The following ASXL2 variants were observed in gnomAD, a reference collection of about 807,000 sequenced individuals.
The protein encoded by ASXL2 is ASXL transcriptional regulator 2.
In ASXL2, 23 loss-of-function variants were observed where a neutral mutation model predicts 122.0. The observed-to-expected ratio is 0.19, with a 90% CI of 0.14 to 0.27. The LOEUF is 0.27. Among genes scored for constraint, ASXL2 ranks in the 10% least tolerant of loss-of-function variants. The pLI is 1.00. For missense variants in ASXL2, 1,518 were observed against 1,713.8 expected (o/e 0.89, Z 2.02); for synonymous variants, 650 against 637.0 (o/e 1.02, Z -0.31).
chr2:25,828,873 G>A (rs186522164), intron 3 of ASXL2, among the ~76,000 whole-genome samples: 6 of 149,346 alleles, frequency 4.0e-5, no homozygotes, highest in Admixed American at 3.3e-4. Flanking sequence ...AATCTCCTGA[G>A]TGCAGCAGAA....
At chr2:25,774,520 G>A (rs1234357619) in intron 5 of ASXL2, among the ~76,000 whole-genome samples, 2 of 152,066 alleles carry the variant, frequency 1.3e-5, no homozygotes, top group Non-Finnish European at 2.9e-5. Context: ...ACATTCTGTA[G>A]GCTGTTTTGA....
intron 3 of ASXL2, among the ~76,000 whole-genome samples, chr2:25,827,377 G>A (rs1029585427): frequency 6.6e-6 from 1 of 151,698 alleles, no homozygotes; most frequent in African/African-American, 2.4e-5. Context: ...CACTTACATT[G>A]GAAATTTCTA....
intron 8 of ASXL2, among the ~76,000 whole-genome samples, chr2:25,760,052 T>G (rs1424643534): frequency 2.0e-5 from 3 of 151,868 alleles, no homozygotes; most frequent in Non-Finnish European, 4.4e-5. Flanking sequence ...TCTCATGACT[T>G]TTTTTTTCAC....
chr2:25,750,406 G>A lies in ASXL2; in HGVS notation c.1150C>T (p.Leu384=). 6.3e-7 allele frequency: 1 copy of A among 1,582,132 alleles called. No individual in the cohort carries two copies. The highest frequency in any genetic ancestry group is 8.5e-7 in the Non-Finnish European group (1 of 1,170,048). Residue 384 remains leucine, a synonymous_variant, in exon 12 of 13, where the codon CTG becomes TTG. Transcript: ENST00000435504. ...FESYYGQSSG[L]SLEDSKKLTA... The stretch of plus-strand genomic sequence containing the variant: ...AATTTCTTAGAATCTTCAAGGCTCA[G>A]GCCAGAACTAAAAAGGGGAAAAAAG...
intron 1 of ASXL2, among the ~76,000 whole-genome samples, chr2:25,848,349 GC>G (rs2089673547): frequency 6.6e-6 from 1 of 151,996 alleles, no homozygotes; most frequent in Non-Finnish European, 1.5e-5. Context: ...CCGGCTGGGC[GC>G]GGTGGCTCAC....
intron 5 of ASXL2, among the ~76,000 whole-genome samples, chr2:25,772,989 G>A (rs1210181140): frequency 1.3e-5 from 2 of 150,506 alleles, no homozygotes; most frequent in Non-Finnish European, 3.0e-5. Flanking sequence ...CAGGCGGATC[G>A]ACTGAAGTCA....
chr2:25,813,225 C>T (rs751597590), intron 3 of ASXL2, among the ~76,000 whole-genome samples: 1 of 152,088 alleles, frequency 6.6e-6, no homozygotes, highest in Non-Finnish European at 1.5e-5. Flanking sequence ...AGAAGATAGG[C>T]AAGGGAGTAA....
chr2:25,855,791 G>C (rs2089769631), intron 1 of ASXL2, among the ~76,000 whole-genome samples: 1 of 147,402 alleles, frequency 6.8e-6, no homozygotes, highest in African/African-American at 2.5e-5. Flanking sequence ...AGCCGAGATC[G>C]TGCCACTGCA....
intron 1 of ASXL2, among the ~76,000 whole-genome samples, chr2:25,858,797 G>A (rs191842629): frequency 1.3e-5 from 2 of 151,002 alleles, no homozygotes; most frequent in East Asian, 3.9e-4. Context: ...TAAAGTGAAC[G>A]TAAGTAGAAA....
Position 25,806,350 on chromosome 2 carries a change from G to C in ASXL2, c.144-13C>G. ...AGGAGAAGTCCCACTGCAAAACAAA[G>C]AAGAGATGTGATAAGGAACACAACA... On this transcript the variant is annotated splice_polypyrimidine_tract_variant and intron_variant, in intron 3 of 12. Transcript: ENST00000435504. 2 of 1,562,744 alleles carry C rather than the reference G, an allele frequency of 1.3e-6. No individual in the cohort carries two copies. Among genetic ancestry groups the C allele is most frequent in the South Asian group, 2.3e-5 (2 of 88,272 alleles).
At position 25,749,934 on chromosome 2, in the gene ASXL2, G is replaced by A. The variant is rs565942562; in HGVS notation, c.1622C>T (p.Thr541Ile). Residue 541 changes from threonine to isoleucine, a missense_variant, in exon 12 of 13, where the codon ACA becomes ATA. Physicochemically the swap from Thr to Ile is moderately conservative, Grantham distance 89. This residue lies in a region of ASXL2 where 292 missense variants were observed against 293.5 expected (regional missense o/e 1.00). Coordinates refer to ENST00000435504, the MANE Select transcript of ASXL2 (RefSeq NM_018263.6). Reference sequence around the variant, plus strand: ...AGTCTCCTGTGGACCCGCTCCTGCTGTGGGCTTCACTATTGGTTTTTCAAC... The same window carrying A: ...AGTCTCCTGTGGACCCGCTCCTGCTATGGGCTTCACTATTGGTTTTTCAAC... ...PGVEKPIVKP[T>I]AGAGPQETNM... The A allele has an allele frequency of 6.2e-7, 1 of 1,613,992 alleles. No individual in the cohort carries two copies. The highest frequency in any genetic ancestry group is 2.2e-5 in the East Asian group (1 of 44,888).
rs377312815 is a variant in ASXL2 at position 25,743,973 on chromosome 2, T to C, written c.2364A>G (p.Ala788=). 3 of 1,613,888 alleles carry C rather than the reference T, an allele frequency of 1.9e-6. No homozygotes were observed. Among genetic ancestry groups the C allele is most frequent in the African/African-American group, 1.3e-5 (1 of 74,920 alleles). ...GGGCTGGTGATGGGACACTTGTGCA[T>C]GCTCCACTGACGGCAGGTGTTGGAG... ...PVPPTPAVSG[A]CTSVPSPAHI... is the part of the protein sequence containing the mutation. The change falls in exon 13 of 13, where the codon GCA becomes GCG. Residue 788 remains alanine, a synonymous_variant. Coordinates refer to ENST00000435504, the MANE Select transcript of ASXL2 (RefSeq NM_018263.6).
At chr2:25,803,845 C>T (rs1399926852) in intron 4 of ASXL2, among the ~76,000 whole-genome samples, 2 of 152,194 alleles carry the variant, frequency 1.3e-5, no homozygotes, top group African/African-American at 4.8e-5. Context: ...TAACGGGCCA[C>T]AGACTGGAAC....
intron 5 of ASXL2, among the ~76,000 whole-genome samples, chr2:25,796,515 T>A (rs2088912614): frequency 6.6e-6 from 1 of 152,312 alleles, no homozygotes; most frequent in South Asian, 2.1e-4. Context: ...TAGGCAATAA[T>A]TCATATCCTT....
intron 1 of ASXL2, among the ~76,000 whole-genome samples, chr2:25,868,641 AT>A (rs1193375130): frequency 5.9e-5 from 9 of 152,342 alleles, no homozygotes; most frequent in African/African-American, 2.2e-4. Context: ...TCTTAGCATA[AT>A]TTTCTTTCAC....
At chr2:25,850,422 T>TGTACAAAG (rs1234434624) in intron 1 of ASXL2, among the ~76,000 whole-genome samples, 4 of 152,246 alleles carry the variant, frequency 2.6e-5, no homozygotes, top group Admixed American at 2.0e-4. Context: ...TGTATTGTAG[T>TGTACAAAG]TACACACATT....
chr2:25,839,140 A>G (rs1274612165), intron 2 of ASXL2, among the ~76,000 whole-genome samples: 2 of 152,222 alleles, frequency 1.3e-5, no homozygotes, highest in Non-Finnish European at 2.9e-5. Context: ...CAGTACTTCA[A>G]ATTTGGAACA....
At chr2:25,759,782 G>C in intron 8 of ASXL2, 137 bp from the exon 9 acceptor site, 2 of 885,184 alleles carry the variant, frequency 2.3e-6, no homozygotes, top group South Asian at 5.0e-5. Flanking sequence ...TAACACTTAA[G>C]ATCTTAGAAT....
Position 25,866,365 on chromosome 2 carries a change from G to A in ASXL2, c.57+11801C>T, listed in dbSNP as rs527844744. 3.3e-5 allele frequency among the ~76,000 whole-genome samples: 5 copies of A among 152,186 alleles called. No individual in the cohort carries two copies. The East Asian group carries it at 7.7e-4, about 24-fold the overall frequency. ...AGGATGGTCTCCATCTCTTGACCTC[G>A]TGAGTCGCCCGCCTTGGCCTCCAAA... is the stretch of plus-strand genomic sequence containing the variant. On this transcript the variant is annotated intron_variant, in intron 1 of 12. Transcript: ENST00000435504.
Sources: gnomAD v4.1 joint callset for allele counts (sites outside exome capture counted in the v4.1 genomes callset) on GRCh38, gnomAD v4.1.1 for gene constraint, gnomAD v4.1.1 regional missense constraint, MANE v1.5 for transcripts, NCBI Gene and HGNC (gene_info 2026-07-23, HGNC 2026-07-21) for gene names.